The following COL25A1 variants were observed in gnomAD, a reference collection of about 807,000 sequenced individuals.
COL25A1 encodes the protein collagen alpha-1(XXV) chain.
In COL25A1, 103 loss-of-function variants were observed where a neutral mutation model predicts 128.4. That is an observed-to-expected ratio of 0.80 (90% CI 0.68 to 0.94). The LOEUF (loss-of-function observed/expected upper bound fraction) is 0.94. Ranked by LOEUF, COL25A1 falls within the 40% of genes least tolerant of loss-of-function variation. The pLI, the probability that COL25A1 is intolerant of heterozygous loss-of-function variation, is 0.00. For synonymous variants in COL25A1, 279 were observed against 277.2 expected (o/e 1.01, Z -0.06); for missense variants, 745 against 840.0 (o/e 0.89, Z 1.40).
chr4:108,857,008 C>T (rs1237674321), intron 24 of COL25A1, among the ~76,000 whole-genome samples: 2 of 152,012 alleles, frequency 1.3e-5, no homozygotes, highest in African/African-American at 4.8e-5. Context: ...GAGGGGAGAT[C>T]AAAATAGAGA....
chr4:108,958,101 T>C, intron 8 of COL25A1, among the ~76,000 whole-genome samples: 1 of 152,132 alleles, frequency 6.6e-6, no homozygotes. Flanking sequence ...TTTATTGCAC[T>C]CAGATAAATT....
chr4:108,852,385 G>T, intron 25 of COL25A1, 105 bp from the exon 26 acceptor site: 2 of 823,324 alleles, frequency 2.4e-6, no homozygotes, highest in Non-Finnish European at 3.7e-6. Flanking sequence ...ATCGTAATCA[G>T]ATCTCCCCAA....
intron 3 of COL25A1, among the ~76,000 whole-genome samples, chr4:109,112,791 C>A (rs938021577): frequency 6.6e-6 from 1 of 152,052 alleles, no homozygotes; most frequent in African/African-American, 2.4e-5. Context: ...AAAGCTTTTC[C>A]TATTTCTTTG....
chr4:109,050,506 A>G (rs1760887597), intron 3 of COL25A1, among the ~76,000 whole-genome samples: 1 of 152,048 alleles, frequency 6.6e-6, no homozygotes, highest in African/African-American at 2.4e-5. Context: ...TTATATTTCT[A>G]AGAAATATTT....
At chr4:109,294,400 A>G (rs1936934356) in intron 3 of COL25A1, among the ~76,000 whole-genome samples, 1 of 152,144 alleles carries the variant, frequency 6.6e-6, no homozygotes, top group Admixed American at 6.6e-5. Flanking sequence ...TAACTTTTTT[A>G]AAACAGTCAA....
At chr4:109,099,329 T>C (rs1043365755) in intron 3 of COL25A1, among the ~76,000 whole-genome samples, 1 of 152,170 alleles carries the variant, frequency 6.6e-6, no homozygotes, top group Non-Finnish European at 1.5e-5. Flanking sequence ...AAAGCCAGCA[T>C]TGCACAGATT....
chr4:108,888,916 A>G (rs1371655866), intron 18 of COL25A1, among the ~76,000 whole-genome samples: 1 of 152,218 alleles, frequency 6.6e-6, no homozygotes, highest in Admixed American at 6.5e-5. Flanking sequence ...CATGCAGATT[A>G]CCATGAAGCA....
chr4:109,045,537 C>A (rs1231422679), intron 5 of COL25A1, among the ~76,000 whole-genome samples: 2 of 152,008 alleles, frequency 1.3e-5, no homozygotes, highest in Non-Finnish European at 2.9e-5. Flanking sequence ...TACTCTAAAG[C>A]AAAATTTGAT....
chr4:109,241,795 A>T (rs1305767854), intron 3 of COL25A1, among the ~76,000 whole-genome samples: 1 of 152,078 alleles, frequency 6.6e-6, no homozygotes, highest in Non-Finnish European at 1.5e-5. Context: ...TTTGTTGTAG[A>T]AGTAGAGTTA....
intron 18 of COL25A1, among the ~76,000 whole-genome samples, chr4:108,886,481 TGTGTGTG>T (rs1560806359): frequency 3.4e-4 from 45 of 133,754 alleles, no homozygotes; most frequent in Middle Eastern, 3.8e-3. Context: ...TGTGTGTGTG[TGTGTGTG>T]TGTGTTTAGC....
chr4:109,146,383 A>G (rs1770947693), intron 3 of COL25A1, among the ~76,000 whole-genome samples: 1 of 152,228 alleles, frequency 6.6e-6, no homozygotes, highest in Admixed American at 6.5e-5. Flanking sequence ...AAATCATTAT[A>G]TGACAATGTT....
At position 108,889,253 on chromosome 4, in the gene COL25A1, C is replaced by G; in HGVS notation, c.943G>C (p.Glu315Gln). 6.2e-7 allele frequency: 1 copy of G among 1,613,608 alleles called. No individual in the cohort carries two copies. Among genetic ancestry groups the G allele is most frequent in the Non-Finnish European group, 8.5e-7 (1 of 1,179,630 alleles). Residue 315 changes from glutamate to glutamine, a missense_variant, in exon 18 of 38, where the codon GAA (glutamate) becomes CAA (glutamine). Physicochemically the swap from Glu to Gln is conservative, Grantham distance 29 (BLOSUM62 2). Around this residue, in one of 3 missense-constraint regions of COL25A1, gnomAD observed 387 missense variants for 441.9 expected, o/e 0.88. Coordinates refer to ENST00000399132, the MANE Select transcript of COL25A1 (RefSeq NM_198721.4). ...CCTGGACGACCAGATTCCCCAGGTT[C>G]TCCCTGGCCAAAGAAAACCAAAGAT... ...PGSSAAGIKG[E>Q]PGESGRPGQK...
chr4:108,840,985 A>C (rs1734375922), intron 31 of COL25A1, among the ~76,000 whole-genome samples: 1 of 152,228 alleles, frequency 6.6e-6, no homozygotes, highest in African/African-American at 2.4e-5. Context: ...TTAGAACATA[A>C]GTCTTCATCA....
At chr4:108,921,435 T>C (rs183317555) in intron 11 of COL25A1, among the ~76,000 whole-genome samples, 41 of 152,318 alleles carry the variant, frequency 2.7e-4, no homozygotes, top group African/African-American at 9.4e-4. Context: ...AGCATTTTCT[T>C]CCAGTTCTTT....
Position 108,834,463 on chromosome 4 carries a change from C to G in COL25A1, c.1657-2030G>C, listed in dbSNP as rs1296307200. Reference sequence around the variant, plus strand: ...CAAGAACAGAGATTAGTATGAGGTACCGATGAACAAATGTAACACTTCAAA... The same window carrying G: ...CAAGAACAGAGATTAGTATGAGGTAGCGATGAACAAATGTAACACTTCAAA... On this transcript the variant is annotated intron_variant, in intron 31 of 37. Transcript: ENST00000399132. The G allele has an allele frequency of 3.0e-6, 4 of 1,323,802 alleles. No homozygotes were observed. The East Asian group carries it at 1.0e-4, about 33-fold the overall frequency. 82.0% of individuals were successfully genotyped at this position (1,323,802 alleles called of 1,614,324 possible). A position where few individuals can be genotyped will look rare whatever the true frequency, so the allele number is the denominator to read the frequency against.
chr4:109,211,236 G>A (rs200324719), intron 3 of COL25A1, among the ~76,000 whole-genome samples: 1 of 130,932 alleles, frequency 7.6e-6, no homozygotes, highest in South Asian at 2.5e-4. Context: ...GTGTGTGTAT[G>A]TATATATATG....
At chr4:109,173,185 A>C (rs114538888) in intron 3 of COL25A1, among the ~76,000 whole-genome samples, 3,479 of 152,144 alleles carry the variant, frequency 0.023, 118 homozygotes, top group African/African-American at 0.071. Context: ...TCCTGGGCTC[A>C]CGTGATCCTC....
chr4:109,014,416 ACTT>A (rs1561027907), intron 5 of COL25A1, among the ~76,000 whole-genome samples: 1 of 129,708 alleles, frequency 7.7e-6, no homozygotes, highest in African/African-American at 3.2e-5. Context: ...ATCAGGAAGA[ACTT>A]CTTCAAATGA....
chr4:108,864,803 T>C (rs1447628262), intron 20 of COL25A1, among the ~76,000 whole-genome samples: 1 of 152,234 alleles, frequency 6.6e-6, no homozygotes, highest in Non-Finnish European at 1.5e-5. Context: ...ACACTTTACA[T>C]GTATTATCCT....
Sources: allele counts gnomAD v4.1 joint callset (sites outside exome capture counted in the v4.1 genomes callset), GRCh38; gene constraint gnomAD v4.1.1; regional missense constraint gnomAD v4.1.1; transcripts MANE v1.5; gene names NCBI Gene and HGNC (gene_info 2026-07-23, HGNC 2026-07-21).